The following CLIP2 variants were observed in gnomAD, a reference collection of about 807,000 sequenced individuals.
CLIP2 encodes the protein CAP-Gly domain-containing linker protein 2.
CLIP2 carries 41 observed loss-of-function variants against 111.7 expected under a neutral mutation model. The observed-to-expected ratio is 0.37, with a 90% CI of 0.29 to 0.48. The LOEUF is 0.48. Ranked by LOEUF, CLIP2 falls within the 20% of genes least tolerant of loss-of-function variation. The pLI is 0.99. For synonymous variants in CLIP2, 660 were observed against 644.2 expected (o/e 1.02, Z -0.37); for missense variants, 1,160 against 1,422.1 (o/e 0.82, Z 2.96).
intron 1 of CLIP2, among the ~76,000 whole-genome samples, chr7:74,298,674 AG>A (rs1328204973): frequency 6.6e-6 from 1 of 152,000 alleles, no homozygotes; most frequent in Non-Finnish European, 1.5e-5. Flanking sequence ...CTGGGACTAC[AG>A]GCACGTGCCA....
In CLIP2 at chr7:74,403,934, GA is replaced by G; in HGVS notation, c.*87del. The G allele has an allele frequency of 7.0e-7, 1 of 1,433,534 alleles. No homozygotes were observed. Among genetic ancestry groups the G allele is most frequent in the Non-Finnish European group, 9.8e-7 (1 of 1,022,140 alleles). 88.8% of individuals were successfully genotyped at this position (1,433,534 alleles called of 1,614,324 possible). On this transcript the variant is annotated 3_prime_UTR_variant, in exon 17 of 17. Coordinates refer to ENST00000223398, the MANE Select transcript of CLIP2 (RefSeq NM_003388.5). ...AGTACCTCCTCCAGGCAGGAGCCGGGACTGTCACTTTGGAGACAAAACAGTG... is the reference window on the plus strand; with the variant it reads ...AGTACCTCCTCCAGGCAGGAGCCGGGCTGTCACTTTGGAGACAAAACAGTG...
rs756262001 is a variant in CLIP2, at chr7:74,376,789, G to A, written c.2388G>A (p.Ala796=). The part of the protein sequence containing the change: ...KLLVAENRLQ[A]VEALCSSQHT... Reference sequence around the variant, plus strand: ...TGGTGGCTGAGAACAGACTCCAGGCGGTCGAGGCCCTGTGCTCCTCCCAGC... The same window carrying A: ...TGGTGGCTGAGAACAGACTCCAGGCAGTCGAGGCCCTGTGCTCCTCCCAGC... Residue 796 remains alanine, a synonymous_variant, in exon 10 of 17, where the codon GCG becomes GCA. Coordinates refer to ENST00000223398, the MANE Select transcript of CLIP2 (RefSeq NM_003388.5). The surrounding 1 kb of genome is among the most constrained non-coding windows in gnomAD (Gnocchi z 7.1). 1.5e-5 allele frequency: 24 copies of A among 1,607,138 alleles called. 1 individual carries two copies. Among genetic ancestry groups the A allele is most frequent in the East Asian group, 2.2e-5 (1 of 44,640 alleles).
chr7:74,403,923 G>GCTCCTGC lies in CLIP2; in HGVS notation c.*76_*77insTCCTGCC. Reference sequence around the variant, plus strand: ...GGCTGCCCGGCAGTACCTCCTCCAGGCAGGAGCCGGGACTGTCACTTTGGA... The same window carrying GCTCCTGC: ...GGCTGCCCGGCAGTACCTCCTCCAGGCTCCTGCCAGGAGCCGGGACTGTCACTTTGGA... On this transcript the variant is annotated 3_prime_UTR_variant, in exon 17 of 17. Coordinates refer to ENST00000223398, the MANE Select transcript of CLIP2 (RefSeq NM_003388.5). 6.6e-7 allele frequency: 1 copy of GCTCCTGC among 1,504,664 alleles called. No individual in the cohort carries two copies. The highest frequency in any genetic ancestry group is 9.2e-7 in the Non-Finnish European group (1 of 1,085,566). The allele number at this position is 1,504,664 out of a possible 1,614,324, so 93.2% of individuals were successfully genotyped here.
chr7:74,354,097 G>A (rs1035121139), intron 4 of CLIP2, 93 bp downstream of exon 4: 5 of 1,430,556 alleles, frequency 3.5e-6, no homozygotes, highest in South Asian at 1.3e-5. Context: ...GGAAGCGAGT[G>A]TCCAGCATGT....
chr7:74,300,776 G>A (rs1481434027), intron 1 of CLIP2, among the ~76,000 whole-genome samples: 1 of 152,116 alleles, frequency 6.6e-6, no homozygotes, highest in East Asian at 1.9e-4. Context: ...CTTTTTGATG[G>A]CTGAGTGGCA....
chr7:74,342,984 A>G (rs1163224102), intron 3 of CLIP2, among the ~76,000 whole-genome samples: 5 of 151,370 alleles, frequency 3.3e-5, no homozygotes, highest in Non-Finnish European at 7.4e-5. Context: ...GCAGTGAGCC[A>G]AGATGGTGCC....
chr7:74,384,469 G>A (rs1259967920), intron 11 of CLIP2, among the ~76,000 whole-genome samples: 19 of 107,502 alleles, frequency 1.8e-4, no homozygotes, highest in Non-Finnish European at 2.3e-4. Flanking sequence ...TTTTTGAGAT[G>A]GAGTCTCACT....
chr7:74,316,232 A>G (rs1788771273), intron 1 of CLIP2, among the ~76,000 whole-genome samples: 1 of 151,544 alleles, frequency 6.6e-6, no homozygotes, highest in Non-Finnish European at 1.5e-5. Context: ...TTACGACTGC[A>G]TTTTTTTGTT....
chr7:74,342,310 A>C (rs1554305504), intron 3 of CLIP2, among the ~76,000 whole-genome samples: 1 of 151,932 alleles, frequency 6.6e-6, no homozygotes, highest in African/African-American at 2.4e-5. Context: ...TGGGAGGCGG[A>C]GATTGCAGAG....
chr7:74,369,344 CTG>C (rs782321875), intron 8 of CLIP2, among the ~76,000 whole-genome samples: 24 of 152,094 alleles, frequency 1.6e-4, no homozygotes, highest in Non-Finnish European at 3.2e-4. Context: ...GAGTGAGACT[CTG>C]TCTCAAAAAT....
intron 1 of CLIP2, among the ~76,000 whole-genome samples, chr7:74,307,331 C>T (rs1554727906): frequency 6.6e-6 from 1 of 152,186 alleles, no homozygotes; most frequent in Admixed American, 6.5e-5. Context: ...AGACCCGGGT[C>T]TGATTCCAGG....
Position 74,376,762 on chromosome 7 carries a change from C to T in CLIP2, c.2361C>T (p.Leu787=), listed in dbSNP as rs1554313051. Residue 787 remains leucine (L), a synonymous_variant, in exon 10 of 17, where the codon CTC becomes CTT. Transcript: ENST00000223398. The surrounding 1 kb of genome is among the most constrained non-coding windows in gnomAD (Gnocchi z 7.1). ...AGGTCGAGAGTTTGCGGGAGAAGCT[C>T]CTGGTGGCTGAGAACAGACTCCAGG... The part of the protein sequence containing the change: ...KQEVESLREK[L]LVAENRLQAV... 5 of 1,611,776 alleles carry T rather than the reference C, an allele frequency of 3.1e-6. No homozygotes were observed. The highest frequency in any genetic ancestry group is 8.5e-7 in the Non-Finnish European group (1 of 1,179,410).
intron 11 of CLIP2, among the ~76,000 whole-genome samples, chr7:74,384,107 T>C (rs1791015894): frequency 6.6e-6 from 1 of 152,130 alleles, no homozygotes; most frequent in Non-Finnish European, 1.5e-5. Flanking sequence ...AGAGAATCAC[T>C]TGAACCTGGG....
chr7:74,320,836 C>T (rs1180316678), intron 2 of CLIP2, among the ~76,000 whole-genome samples: 1 of 151,990 alleles, frequency 6.6e-6, no homozygotes, highest in Non-Finnish European at 1.5e-5. Flanking sequence ...GGGGGAAGGT[C>T]GTGAGTCAAG....
intron 3 of CLIP2, among the ~76,000 whole-genome samples, chr7:74,348,659 G>A (rs960660396): frequency 6.6e-6 from 1 of 151,690 alleles, no homozygotes; most frequent in Non-Finnish European, 1.5e-5. Flanking sequence ...GCATGGTGGC[G>A]GGCGCCTGTA....
At chr7:74,320,436 C>T (rs112714347) in intron 2 of CLIP2, among the ~76,000 whole-genome samples, 52 of 151,888 alleles carry the variant, frequency 3.4e-4, no homozygotes, top group African/African-American at 1.2e-3. Context: ...GTAGGAGATC[C>T]GCTTGAGCCC....
At chr7:74,375,831 T>A in intron 9 of CLIP2, 56 bp from the exon 10 acceptor site, 1 of 1,430,530 alleles carries the variant, frequency 7.0e-7, no homozygotes, top group African/African-American at 1.4e-5. Flanking sequence ...TGTGCCCTCC[T>A]TACCTTCCAG....
intron 9 of CLIP2, among the ~76,000 whole-genome samples, chr7:74,375,311 C>T (rs1191214875): frequency 3.3e-5 from 5 of 151,464 alleles, no homozygotes; most frequent in Admixed American, 6.6e-5. Context: ...CACTTTGGGA[C>T]GCCAGGGCGG....
At chr7:74,299,437 T>A (rs529686996) in intron 1 of CLIP2, among the ~76,000 whole-genome samples, 1 of 152,298 alleles carries the variant, frequency 6.6e-6, no homozygotes, top group East Asian at 1.9e-4. Flanking sequence ...CCTCCTCCAC[T>A]CTCCCCACCC....
Sources: allele counts gnomAD v4.1 joint callset (sites outside exome capture counted in the v4.1 genomes callset), GRCh38; gene constraint gnomAD v4.1.1; non-coding constraint Gnocchi (gnomAD v3.1); transcripts MANE v1.5; gene names NCBI Gene and HGNC (gene_info 2026-07-23, HGNC 2026-07-21).